The following FANK1 variants were observed in gnomAD, a reference collection of about 807,000 sequenced individuals.
FANK1 encodes the protein fibronectin type 3 and ankyrin repeat domains protein 1.
A neutral mutation model predicts 45.3 loss-of-function variants in FANK1; 44 were observed. That is an observed-to-expected ratio of 0.97 (90% CI 0.76 to 1.25). FANK1 has a LOEUF of 1.25. Among genes scored for constraint, FANK1 ranks in the 50% most tolerant of loss-of-function variants. The pLI, the probability that FANK1 is intolerant of heterozygous loss-of-function variation, is 0.00. For synonymous variants in FANK1, 149 were observed against 152.5 expected (o/e 0.98, Z 0.17); for missense variants, 391 against 424.4 (o/e 0.92, Z 0.69).
chr10:126,006,724 G>A (rs568396365), intron 7 of FANK1, among the ~76,000 whole-genome samples: 1 of 152,306 alleles, frequency 6.6e-6, no homozygotes, highest in African/African-American at 2.4e-5. Context: ...GCCAGGCGTG[G>A]TGGTGGGCAC....
chr10:125,911,129 G>A, intron 1 of FANK1, among the ~76,000 whole-genome samples: 1 of 152,160 alleles, frequency 6.6e-6, no homozygotes, highest in Non-Finnish European at 1.5e-5. Flanking sequence ...AGGATTGTGA[G>A]ATGGGCAGAG....
At chr10:125,943,987 G>A (rs763505320) in intron 1 of FANK1, among the ~76,000 whole-genome samples, 17 of 152,298 alleles carry the variant, frequency 1.1e-4, no homozygotes, top group South Asian at 4.1e-4. Flanking sequence ...TAAAAGTCAC[G>A]TTTTTACGTG....
intron 1 of FANK1, among the ~76,000 whole-genome samples, chr10:125,961,230 C>T (rs909721611): frequency 6.6e-5 from 10 of 152,184 alleles, no homozygotes; most frequent in Non-Finnish European, 5.9e-5. Context: ...CTTCAGCCTC[C>T]TGAGTAGCAG....
intron 1 of FANK1, among the ~76,000 whole-genome samples, chr10:125,915,491 A>G (rs1946376799): frequency 6.6e-6 from 1 of 152,232 alleles, no homozygotes; most frequent in Non-Finnish European, 1.5e-5. Flanking sequence ...TCAACTTCAC[A>G]TACCATAAAA....
chr10:125,940,529 C>T (rs1173884545), intron 1 of FANK1, among the ~76,000 whole-genome samples: 1 of 152,176 alleles, frequency 6.6e-6, no homozygotes, highest in Non-Finnish European at 1.5e-5. Context: ...CAGAATAGAA[C>T]AAATGTACGA....
intron 1 of FANK1, among the ~76,000 whole-genome samples, chr10:125,955,874 A>G (rs892416112): frequency 6.6e-6 from 1 of 152,296 alleles, no homozygotes; most frequent in East Asian, 1.9e-4. Flanking sequence ...CAAGTACAAA[A>G]GAATCTATGT....
intron 1 of FANK1, among the ~76,000 whole-genome samples, chr10:125,944,411 T>G (rs1010331941): frequency 2.6e-5 from 4 of 152,232 alleles, no homozygotes; most frequent in African/African-American, 9.6e-5. Flanking sequence ...TCCTAGAAAT[T>G]TCTGTTACTT....
At chr10:125,926,584 A>C (rs556263330) in intron 1 of FANK1, among the ~76,000 whole-genome samples, 6 of 152,304 alleles carry the variant, frequency 3.9e-5, no homozygotes, top group Non-Finnish European at 8.8e-5. Context: ...TTTATTCAGC[A>C]TAATTATCTT....
Position 125,919,195 on chromosome 10 carries a change from A to ATTTTTTTTTTTTTTTTTTTTTTTTT in FANK1, c.13+22544_13+22568dup, listed in dbSNP as rs142716284. Reference sequence around the variant, plus strand: ...AGTAAAATACTTCCAGGAGGTAAGAATTTTTTTTTTTTTTTTTTTTTTTTT... The same window carrying ATTTTTTTTTTTTTTTTTTTTTTTTT: ...AGTAAAATACTTCCAGGAGGTAAGAATTTTTTTTTTTTTTTTTTTTTTTTTTTTTTTTTTTTTTTTTTTTTTTTTT... On this transcript the variant is annotated intron_variant, in intron 1 of 10. Coordinates refer to ENST00000368693, the MANE Select transcript of FANK1 (RefSeq NM_145235.5). 1.1e-3 allele frequency among the ~76,000 whole-genome samples: 58 copies of ATTTTTTTTTTTTTTTTTTTTTTTTT among 51,880 alleles called. 7 individuals are homozygous for ATTTTTTTTTTTTTTTTTTTTTTTTT. The highest frequency in any genetic ancestry group is 2.0e-3 in the East Asian group (3 of 1,494). 34.0% of individuals were successfully genotyped at this position (51,880 alleles called of 152,430 possible). A position where few individuals can be genotyped will look rare whatever the true frequency, so the allele number is the denominator to read the frequency against.
intron 1 of FANK1, among the ~76,000 whole-genome samples, chr10:125,924,513 A>T (rs1044682061): frequency 2.6e-5 from 4 of 152,168 alleles, no homozygotes; most frequent in South Asian, 4.1e-4. Context: ...CGGCCTCCCA[A>T]AGTGCTGGGA....
chr10:125,929,896 A>G (rs1479036898), intron 1 of FANK1, among the ~76,000 whole-genome samples: 4 of 152,192 alleles, frequency 2.6e-5, no homozygotes, highest in African/African-American at 9.7e-5. Context: ...AAGGCAATTT[A>G]CGGCATACAC....
At chr10:125,923,820 T>C (rs1457286329) in intron 1 of FANK1, among the ~76,000 whole-genome samples, 2 of 152,126 alleles carry the variant, frequency 1.3e-5, no homozygotes, top group Admixed American at 6.5e-5. Context: ...GAGCCATCGT[T>C]CTTGGCCTGC....
chr10:126,008,646 C>T, intron 8 of FANK1, 96 bp downstream of exon 8: 1 of 1,423,880 alleles, frequency 7.0e-7, no homozygotes, highest in Non-Finnish European at 9.5e-7. Context: ...CAGCCCTGCA[C>T]CAGCCCTTGG....
chr10:125,996,245 AGCT>A (rs1341636988), intron 4 of FANK1, among the ~76,000 whole-genome samples: 2 of 152,194 alleles, frequency 1.3e-5, no homozygotes, highest in Non-Finnish European at 2.9e-5. Context: ...TATCTTAAAG[AGCT>A]GTGTTCACTG....
At chr10:125,969,813 G>T (rs889949497) in intron 1 of FANK1, among the ~76,000 whole-genome samples, 11 of 151,868 alleles carry the variant, frequency 7.2e-5, no homozygotes, top group Non-Finnish European at 4.4e-5. Flanking sequence ...TTGAGATTAG[G>T]TATTGGTGAT....
Position 125,980,449 on chromosome 10 carries a change from G to C in FANK1, c.191+111G>C, listed in dbSNP as rs1442248855. On this transcript the variant is annotated intron_variant, in intron 2 of 10. Transcript: ENST00000368693. ...TTGTTTCAAATTAAAGAATGAGTCA[G>C]CATCATTTGTATTCATGCTCTTTTA... is the stretch of plus-strand genomic sequence containing the variant. The C allele has an allele frequency of 6.5e-6, 8 of 1,233,418 alleles. No individual in the cohort carries two copies. In the East Asian group the frequency reaches 1.7e-4, roughly 26 times the overall value. The allele number at this position is 1,233,418 out of a possible 1,614,324, so 76.4% of individuals were successfully genotyped here. A position where few individuals can be genotyped will look rare whatever the true frequency, so the allele number is the denominator to read the frequency against.
At chr10:125,966,483 C>T (rs1325209295) in intron 1 of FANK1, among the ~76,000 whole-genome samples, 1 of 152,128 alleles carries the variant, frequency 6.6e-6, no homozygotes, top group Non-Finnish European at 1.5e-5. Context: ...TCCAATGTTC[C>T]CTGCTCCTCT....
At chr10:125,935,329 C>T (rs1223969328) in intron 1 of FANK1, among the ~76,000 whole-genome samples, 1 of 152,168 alleles carries the variant, frequency 6.6e-6, no homozygotes, top group Non-Finnish European at 1.5e-5. Flanking sequence ...ATCCTCATAG[C>T]TTTACATGGC....
At chr10:125,920,730 G>A (rs1029680355) in intron 1 of FANK1, among the ~76,000 whole-genome samples, 7 of 152,174 alleles carry the variant, frequency 4.6e-5, no homozygotes, top group Non-Finnish European at 1.0e-4. Context: ...GGTTGGTTCT[G>A]TACAACCTTT....
Sources: gnomAD v4.1 joint callset for allele counts (sites outside exome capture counted in the v4.1 genomes callset) on GRCh38, gnomAD v4.1.1 for gene constraint, MANE v1.5 for transcripts, NCBI Gene and HGNC (gene_info 2026-07-23, HGNC 2026-07-21) for gene names.